The following CDH2 variants were observed in gnomAD, a reference collection of about 807,000 sequenced individuals.
CDH2 encodes cadherin 2.
Under a neutral mutation model 92.0 loss-of-function variants are expected in CDH2, and 17 were observed. The ratio of observed to expected loss-of-function variants is 0.18; its 90% CI spans 0.13 to 0.28. The LOEUF (loss-of-function observed/expected upper bound fraction) is 0.28, where lower values mean the gene tolerates loss of function less well. CDH2 is among the 10% of genes least tolerant of loss of function. The pLI is 1.00. For missense variants in CDH2, 862 were observed against 1,133.1 expected (o/e 0.76, Z 3.44); for synonymous variants, 419 against 415.9 (o/e 1.01, Z -0.09).
chr18:28,002,682 CCTCA>C (rs1443565309), intron 7 of CDH2, among the ~76,000 whole-genome samples: 1 of 152,078 alleles, frequency 6.6e-6, no homozygotes, highest in African/African-American at 2.4e-5. Flanking sequence ...ATTTTTAATT[CCTCA>C]CAAAAACCTT....
At chr18:27,993,725 A>T in intron 7 of CDH2, 88 bp from the exon 8 acceptor site, 1 of 976,134 alleles carries the variant, frequency 1.0e-6, no homozygotes. Flanking sequence ...TTTATAATGC[A>T]AGGAGAGCAT....
chr18:28,105,748 G>A (rs905078050), intron 2 of CDH2, among the ~76,000 whole-genome samples: 2 of 152,046 alleles, frequency 1.3e-5, no homozygotes, highest in African/African-American at 4.8e-5. Flanking sequence ...TCAATGTATA[G>A]TTCTTAATTT....
intron 1 of CDH2, among the ~76,000 whole-genome samples, chr18:28,166,257 T>TA (rs2016383624): frequency 6.7e-6 from 1 of 148,708 alleles, no homozygotes; most frequent in Admixed American, 6.8e-5. Context: ...ATGCAAATAC[T>TA]AAAAAAAGTA....
At chr18:28,158,387 A>G (rs1293109798) in intron 1 of CDH2, among the ~76,000 whole-genome samples, 1 of 152,232 alleles carries the variant, frequency 6.6e-6, no homozygotes, top group African/African-American at 2.4e-5. Context: ...CAGAGCTAAT[A>G]TCGTCAGTTC....
At chr18:28,006,546 C>A (rs1043890192) in intron 5 of CDH2, among the ~76,000 whole-genome samples, 1 of 149,656 alleles carries the variant, frequency 6.7e-6, no homozygotes, top group Admixed American at 6.6e-5. Context: ...GGCGAAACCC[C>A]GTCTCTACTA....
chr18:28,034,653 G>A (rs1028043059), intron 2 of CDH2, among the ~76,000 whole-genome samples: 21 of 151,266 alleles, frequency 1.4e-4, no homozygotes, highest in African/African-American at 5.1e-4. Context: ...AAGTTCGTAT[G>A]TCATCACAAA....
At chr18:27,938,878 C>T (rs547850376) in intron 6 of CDH2, among the ~76,000 whole-genome samples, 20 of 152,088 alleles carry the variant, frequency 1.3e-4, no homozygotes, top group South Asian at 1.2e-3. Flanking sequence ...TTGGGATATT[C>T]GAAGGAAAGC....
intron 2 of CDH2, among the ~76,000 whole-genome samples, chr18:28,027,824 A>T (rs2144075354): frequency 6.7e-6 from 1 of 148,326 alleles, no homozygotes; most frequent in East Asian, 2.0e-4. Flanking sequence ...TAAAATTATC[A>T]GTGCTTAGGC....
At chr18:27,983,211 A>G (rs192617021) in intron 13 of CDH2, 128 bp from the exon 14 acceptor site, 3 of 629,250 alleles carry the variant, frequency 4.8e-6, no homozygotes, top group African/African-American at 3.8e-5. Flanking sequence ...CTTTCACTCT[A>G]CTATCTATTT....
chr18:28,171,701 C>A (rs1453284133), intron 1 of CDH2, among the ~76,000 whole-genome samples: 2 of 152,112 alleles, frequency 1.3e-5, no homozygotes, highest in African/African-American at 4.8e-5. Flanking sequence ...CCACAACCTT[C>A]GAAAAGGAGA....
At chr18:27,944,755 A>G (rs72894851) in intron 6 of CDH2, among the ~76,000 whole-genome samples, 5 of 26,032 alleles carry the variant, frequency 1.9e-4, no homozygotes, top group Admixed American at 6.1e-4. Context: ...CTTCCTTTCT[A>G]AAAAAAAAAA....
chr18:28,061,428 A>T (rs1446183422), intron 2 of CDH2, among the ~76,000 whole-genome samples: 1 of 152,090 alleles, frequency 6.6e-6, no homozygotes, highest in East Asian at 1.9e-4. Context: ...AGACAACTTG[A>T]GGTCAGGAGT....
chr18:28,023,047 T>G (rs1362767136), intron 2 of CDH2, among the ~76,000 whole-genome samples: 1 of 152,194 alleles, frequency 6.6e-6, no homozygotes, highest in Non-Finnish European at 1.5e-5. Context: ...AAGGTATCTT[T>G]TTAGACAGCT....
intron 2 of CDH2, among the ~76,000 whole-genome samples, chr18:28,101,544 A>G (rs1189894367): frequency 1.3e-5 from 2 of 152,200 alleles, no homozygotes; most frequent in South Asian, 2.1e-4. Context: ...TGTGATTTAT[A>G]AACAAATACA....
At chr18:27,967,306 A>C (rs760729119) in intron 14 of CDH2, among the ~76,000 whole-genome samples, 7 of 152,186 alleles carry the variant, frequency 4.6e-5, no homozygotes, top group Non-Finnish European at 1.0e-4. Flanking sequence ...GTATGGCAAA[A>C]GTCCTGAACT....
chr18:28,069,888 G>C (rs986739033), intron 2 of CDH2, among the ~76,000 whole-genome samples: 36 of 152,042 alleles, frequency 2.4e-4, no homozygotes, highest in African/African-American at 8.0e-4. Flanking sequence ...ATTTCCCTGA[G>C]AATGCCATAA....
At chr18:28,171,712 T>C (rs1178526091) in intron 1 of CDH2, among the ~76,000 whole-genome samples, 3 of 152,102 alleles carry the variant, frequency 2.0e-5, no homozygotes, top group Admixed American at 6.6e-5. Flanking sequence ...GAAAAGGAGA[T>C]GTGTTTGAGA....
intron 2 of CDH2, among the ~76,000 whole-genome samples, chr18:28,055,840 A>G (rs2014282317): frequency 6.6e-6 from 1 of 152,134 alleles, no homozygotes; most frequent in Admixed American, 6.6e-5. Context: ...TCTATGGGGA[A>G]GCCCCATATG....
chr18:27,970,102 T>C (rs891339053), intron 14 of CDH2, among the ~76,000 whole-genome samples: 2 of 151,998 alleles, frequency 1.3e-5, no homozygotes, highest in African/African-American at 4.8e-5. Flanking sequence ...GGAAGTACTG[T>C]TGGAAGAAGG....
Sources: gnomAD v4.1 joint callset for allele counts (sites outside exome capture counted in the v4.1 genomes callset) on GRCh38, gnomAD v4.1.1 for gene constraint, MANE v1.5 for transcripts, NCBI Gene and HGNC (gene_info 2026-07-23, HGNC 2026-07-21) for gene names.